GPHN: variants seen among roughly 807,000 people sequenced by gnomAD.
GPHN encodes gephyrin.
In GPHN, 17 loss-of-function variants were observed where a neutral mutation model predicts 95.5. The observed-to-expected ratio is 0.18, with a 90% CI of 0.12 to 0.27. The LOEUF is 0.27. Among genes scored for constraint, GPHN ranks in the 10% least tolerant of loss-of-function variants. GPHN has a pLI of 1.00. For synonymous variants in GPHN, 320 were observed against 322.5 expected (o/e 0.99, Z 0.08); for missense variants, 660 against 978.1 (o/e 0.67, Z 4.34).
chr14:66,962,517 A>G (rs1032908553), intron 8 of GPHN, among the ~76,000 whole-genome samples: 1 of 151,806 alleles, frequency 6.6e-6, no homozygotes, highest in African/African-American at 2.4e-5. Flanking sequence ...AGTCATCTTT[A>G]TCACTTTTAC....
At chr14:67,543,865 A>G in the GPHN span, among the ~76,000 whole-genome samples, 2 of 152,348 alleles carry the variant, frequency 1.3e-5, no homozygotes, top group African/African-American at 4.8e-5. Context: ...TGAGCACAGA[A>G]AAAAGTAAGA....
At chr14:67,253,841 A>G in the GPHN span, among the ~76,000 whole-genome samples, 1 of 152,042 alleles carries the variant, frequency 6.6e-6, no homozygotes, top group African/African-American at 2.4e-5. Flanking sequence ...CCTGTCTCAA[A>G]AAGAAAAAAA....
At chr14:67,302,565 C>T in the GPHN span, 1 of 1,504,836 alleles carries the variant, frequency 6.6e-7, no homozygotes. Context: ...AGGTTTTTGA[C>T]TTGTTGGTAA....
chr14:67,310,757 TAATAA>T, the GPHN span, among the ~76,000 whole-genome samples: 1 of 152,238 alleles, frequency 6.6e-6, no homozygotes, highest in African/African-American at 2.4e-5. Context: ...TTATAGAAGT[TAATAA>T]AATATTCTTT....
chr14:67,223,602 G>T, the GPHN span: 1 of 468,250 alleles, frequency 2.1e-6, no homozygotes, highest in Non-Finnish European at 2.8e-6. Flanking sequence ...TCCACTCTGG[G>T]CTTGTTAAAT....
chr14:66,512,518 A>C (rs899744401), intron 1 of GPHN, among the ~76,000 whole-genome samples: 7 of 151,808 alleles, frequency 4.6e-5, no homozygotes, highest in African/African-American at 1.7e-4. Context: ...AAAAGGTACA[A>C]ATTTTTGGGA....
the GPHN span, among the ~76,000 whole-genome samples, chr14:67,400,641 G>T: frequency 2.0e-5 from 3 of 151,972 alleles, no homozygotes; most frequent in Non-Finnish European, 4.4e-5. Context: ...AGTGGAGAAG[G>T]CAATTAAGTT....
the GPHN span, chr14:67,515,517 T>C: frequency 6.4e-6 from 1 of 156,004 alleles, no homozygotes; most frequent in Non-Finnish European, 1.4e-5. Flanking sequence ...CCGGCTTAAC[T>C]CCTTGCTCGC....
At chr14:66,735,456 A>C (rs2072178333) in intron 2 of GPHN, among the ~76,000 whole-genome samples, 1 of 152,322 alleles carries the variant, frequency 6.6e-6, no homozygotes, top group East Asian at 1.9e-4. Flanking sequence ...TACCCATCCC[A>C]TTAGTAAGTA....
At chr14:67,716,800 C>T in the GPHN span, among the ~76,000 whole-genome samples, 1 of 151,446 alleles carries the variant, frequency 6.6e-6, no homozygotes, top group Admixed American at 6.6e-5. Context: ...AGGAGAATTG[C>T]TTGGGCCCGG....
chr14:67,714,130 T>C, the GPHN span, among the ~76,000 whole-genome samples: 2 of 152,218 alleles, frequency 1.3e-5, no homozygotes, highest in African/African-American at 4.8e-5. Context: ...TTTTTTCTTG[T>C]AATTAACTTC....
the GPHN span, among the ~76,000 whole-genome samples, chr14:67,520,800 A>G: frequency 5.3e-5 from 8 of 152,268 alleles, no homozygotes; most frequent in Admixed American, 1.3e-4. Flanking sequence ...TTGTGTGGAC[A>G]TAAATTTCCA....
the GPHN span, among the ~76,000 whole-genome samples, chr14:67,250,547 A>T: frequency 6.6e-6 from 1 of 152,190 alleles, no homozygotes; most frequent in Non-Finnish European, 1.5e-5. Flanking sequence ...AGTTAAACAG[A>T]TTGTTTTGTG....
At chr14:67,056,533 A>T (rs1006974714) in intron 10 of GPHN, among the ~76,000 whole-genome samples, 5 of 151,494 alleles carry the variant, frequency 3.3e-5, no homozygotes, top group Non-Finnish European at 7.4e-5. Context: ...GATTAGCTAG[A>T]TACAGAGCGC....
the GPHN span, among the ~76,000 whole-genome samples, chr14:67,406,258 C>CAA: frequency 0.15 from 16,377 of 106,964 alleles, 1,813 homozygotes; most frequent in East Asian, 0.33. Flanking sequence ...GATTCCATCT[C>CAA]AAAAAAAAAA....
At chr14:66,712,863 CTG>C (rs1461151433) in intron 2 of GPHN, among the ~76,000 whole-genome samples, 5 of 152,166 alleles carry the variant, frequency 3.3e-5, no homozygotes, top group African/African-American at 9.6e-5. Context: ...TGGTATCACA[CTG>C]TGGTTTTGAT....
At chr14:66,901,038 C>T (rs1264491843) in intron 5 of GPHN, among the ~76,000 whole-genome samples, 1 of 151,990 alleles carries the variant, frequency 6.6e-6, no homozygotes, top group Non-Finnish European at 1.5e-5. Context: ...TTTCCAAATC[C>T]TTACCAGCAT....
intron 9 of GPHN, among the ~76,000 whole-genome samples, chr14:66,997,719 T>G (rs1012165924): frequency 1.3e-5 from 2 of 152,222 alleles, no homozygotes; most frequent in African/African-American, 4.8e-5. Context: ...TGCAGCTATC[T>G]TCTTCAATTT....
At chr14:67,232,710 G>A in the GPHN span, among the ~76,000 whole-genome samples, 1 of 151,994 alleles carries the variant, frequency 6.6e-6, no homozygotes, top group South Asian at 2.1e-4. Flanking sequence ...AAGATCCTAG[G>A]TATATTCATA....
Sources: gnomAD v4.1 joint callset for allele counts (sites outside exome capture counted in the v4.1 genomes callset) on GRCh38, gnomAD v4.1.1 for gene constraint, MANE v1.5 for transcripts, NCBI Gene and HGNC (gene_info 2026-07-23, HGNC 2026-07-21) for gene names.